ZNF98: variants seen among roughly 807,000 people sequenced by gnomAD.
ZNF98 encodes zinc finger protein 739.
Under a neutral mutation model 12.8 loss-of-function variants are expected in ZNF98, and 8 were observed. The ratio of observed to expected loss-of-function variants is 0.63; its 90% CI spans 0.37 to 1.13. The LOEUF (loss-of-function observed/expected upper bound fraction) is 1.13, where lower values mean the gene tolerates loss of function less well. ZNF98 is among the 50% of genes most tolerant of loss of function. The pLI, the probability that ZNF98 is intolerant of heterozygous loss-of-function variation, is 0.01. For missense variants in ZNF98, 379 were observed against 666.1 expected, an observed-to-expected ratio of 0.57 and a Z score of 4.74; for synonymous variants, 112 against 223.5, an observed-to-expected ratio of 0.50 and a Z score of 4.45.
At position 22,391,611 on chromosome 19, in the gene ZNF98, CA is replaced by C. The variant is rs1295450104; in HGVS notation, c.1623del (p.Gly542GlufsTer49). On this transcript the variant is annotated frameshift_variant, in exon 4 of 4. Transcript: ENST00000357774. LOFTEE classifies it low-confidence loss of function (END_TRUNC). ...SILNRHKMIH[T>X]GEKLYKPESC... ...CTTTCAGGTTTGTAGAGTTTCTCTC[CA>C]GTATGAATCATCTTATGTCTGTTAA... The C allele has an allele frequency of 1.2e-6, 2 of 1,612,634 alleles. No homozygotes were observed. Among genetic ancestry groups the C allele is most frequent in the East Asian group, 4.5e-5 (2 of 44,812 alleles).
chr19:22,394,869 T>C (rs1257291550), intron 3 of ZNF98, among the ~76,000 whole-genome samples: 1 of 152,116 alleles, frequency 6.6e-6, no homozygotes, highest in Non-Finnish European at 1.5e-5. Context: ...GAAACAATTA[T>C]AGCAAGTGAT....
chr19:22,406,879 A>C (rs1313113254), intron 1 of ZNF98, among the ~76,000 whole-genome samples: 1 of 152,054 alleles, frequency 6.6e-6, no homozygotes, highest in Non-Finnish European at 1.5e-5. Flanking sequence ...CTCTTCTCCA[A>C]ATGATTGCAA....
chr19:22,397,212 T>TTTGTGTGTGTGTGTGTGTGTGTG (rs368992859), intron 3 of ZNF98, among the ~76,000 whole-genome samples: 1 of 145,220 alleles, frequency 6.9e-6, no homozygotes, highest in African/African-American at 2.6e-5. Flanking sequence ...GTGTGTGTTT[T>TTTGTGTGTGTGTGTGTGTGTGTG]TGTGTGTGTG....
intron 3 of ZNF98, among the ~76,000 whole-genome samples, chr19:22,395,178 G>GAAAAAAA (rs71180538): frequency 1.2e-4 from 12 of 99,814 alleles, no homozygotes; most frequent in Non-Finnish European, 1.6e-4. Context: ...GTTTCAAAAA[G>GAAAAAAA]AAAAAAAAAA....
At chr19:22,415,618 CAA>C (rs56046308) in intron 1 of ZNF98, among the ~76,000 whole-genome samples, 2 of 130,502 alleles carry the variant, frequency 1.5e-5, no homozygotes, top group Admixed American at 8.1e-5. Flanking sequence ...ACAAAAAATA[CAA>C]AAAAAAAAAA....
chr19:22,399,152 T>G (rs957084074), intron 3 of ZNF98, among the ~76,000 whole-genome samples: 45 of 152,204 alleles, frequency 3.0e-4, no homozygotes, highest in African/African-American at 1.1e-3. Context: ...AAATGTTTAC[T>G]CATAAAATCT....
chr19:22,407,538 A>T lies in ZNF98; in HGVS notation c.31-4026T>A, dbSNP rs12976630. ...ACCAGCCTGGCCAACATGGTGAAACACTATCTCTACTAAAAATCCAAAATT... is the reference window on the plus strand; with the variant it reads ...ACCAGCCTGGCCAACATGGTGAAACTCTATCTCTACTAAAAATCCAAAATT... On this transcript the variant is annotated intron_variant, in intron 1 of 3. Transcript: ENST00000357774. Among the ~76,000 whole-genome samples, 8 of 150,562 alleles carry T rather than the reference A, an allele frequency of 5.3e-5. 1 individual carries two copies. The South Asian group carries it at 1.7e-3, about 32-fold the overall frequency.
intron 1 of ZNF98, among the ~76,000 whole-genome samples, chr19:22,418,264 C>T (rs1268417718): frequency 6.6e-6 from 1 of 152,058 alleles, no homozygotes. Flanking sequence ...TAACCTCCCT[C>T]AAGTTTCATA....
chr19:22,406,407 AAAC>A (rs1286099929), intron 1 of ZNF98, among the ~76,000 whole-genome samples: 3 of 152,122 alleles, frequency 2.0e-5, no homozygotes, highest in Non-Finnish European at 4.4e-5. Context: ...CACTGAAAAA[AAAC>A]AAACAGAAAT....
chr19:22,409,122 C>T (rs1487389141), intron 1 of ZNF98, among the ~76,000 whole-genome samples: 1 of 152,134 alleles, frequency 6.6e-6, no homozygotes, highest in Non-Finnish European at 1.5e-5. Flanking sequence ...AAAGAGACCT[C>T]AGAAATAACA....
intron 3 of ZNF98, among the ~76,000 whole-genome samples, chr19:22,397,504 C>CA (rs929503331): frequency 2.2e-4 from 33 of 150,198 alleles, no homozygotes; most frequent in South Asian, 4.2e-4. Context: ...CCTCTTATTA[C>CA]AAAAAAAAGA....
intron 1 of ZNF98, among the ~76,000 whole-genome samples, chr19:22,411,752 T>C (rs1969583439): frequency 6.6e-6 from 1 of 152,220 alleles, no homozygotes; most frequent in South Asian, 2.1e-4. Flanking sequence ...TATTTTCACA[T>C]ATGTGAATAA....
chr19:22,416,387 G>A (rs961367176), intron 1 of ZNF98, among the ~76,000 whole-genome samples: 2 of 150,328 alleles, frequency 1.3e-5, no homozygotes, highest in East Asian at 2.0e-4. Flanking sequence ...GGAGAATGGC[G>A]TGAACCCGGG....
chr19:22,391,887 T>C lies in ZNF98; in HGVS notation c.1348A>G (p.Thr450Ala), dbSNP rs370108594. Reference protein sequence around the residue: ...GKAFNLSSQLTTHKIIHTGEK... With the variant: ...GKAFNLSSQLATHKIIHTGEK... The stretch of plus-strand genomic sequence containing the variant: ...CCAGTATGAATTATCTTATGTGTAG[T>C]AAGTTGTGATGATAGGTTAAAAGCT... The change falls in exon 4 of 4, where the codon ACT becomes GCT. Residue 450 changes from threonine to alanine, a missense_variant. Physicochemically the swap from Thr to Ala is moderately conservative, Grantham distance 58. Coordinates refer to ENST00000357774, the MANE Select transcript of ZNF98 (RefSeq NM_001098626.2). The C allele has an allele frequency of 3.0e-4, 393 of 1,312,762 alleles. 92 individuals carry two copies. The highest frequency in any genetic ancestry group is 3.8e-4 in the Non-Finnish European group (365 of 962,536). 81.3% of individuals were successfully genotyped at this position (1,312,762 alleles called of 1,614,324 possible).
chr19:22,396,697 A>C (rs1969397888), intron 3 of ZNF98, among the ~76,000 whole-genome samples: 1 of 152,200 alleles, frequency 6.6e-6, no homozygotes, highest in South Asian at 2.1e-4. Context: ...TTTCATGCAA[A>C]TATGAATCAA....
chr19:22,395,587 AAAAC>A (rs1481113808), intron 3 of ZNF98, among the ~76,000 whole-genome samples: 2 of 152,198 alleles, frequency 1.3e-5, no homozygotes, highest in African/African-American at 4.8e-5. Context: ...ATATTAAAAA[AAAAC>A]AATTTGGTGG....
chr19:22,404,347 G>A (rs1599386851), intron 1 of ZNF98, among the ~76,000 whole-genome samples: 1 of 152,250 alleles, frequency 6.6e-6, no homozygotes, highest in African/African-American at 2.4e-5. Context: ...AAGTGGAAGA[G>A]CCTGTGTGTT....
intron 1 of ZNF98, among the ~76,000 whole-genome samples, chr19:22,415,956 G>GAGACACACACACAC (rs1969636589): frequency 9.0e-6 from 1 of 111,332 alleles, no homozygotes; most frequent in African/African-American, 3.7e-5. Context: ...AAAAACTACA[G>GAGACACACACACAC]ACACACACAC....
intron 1 of ZNF98, among the ~76,000 whole-genome samples, chr19:22,416,361 T>A (rs1436846890): frequency 6.6e-6 from 1 of 151,812 alleles, no homozygotes. Context: ...TCCCAGCTAC[T>A]GGGGAGGCTG....
Sources: gnomAD v4.1 joint callset for allele counts (sites outside exome capture counted in the v4.1 genomes callset) on GRCh38, gnomAD v4.1.1 for gene constraint, MANE v1.5 for transcripts, NCBI Gene and HGNC (gene_info 2026-07-23, HGNC 2026-07-21) for gene names.